The following EEIG2 variants were observed in gnomAD, a reference collection of about 807,000 sequenced individuals.
EEIG2 encodes the protein EEIG family member 2.
the EEIG2 span, among the ~76,000 whole-genome samples, chr1:108,570,434 A>G: frequency 6.6e-6 from 1 of 152,176 alleles, no homozygotes; most frequent in African/African-American, 2.4e-5. Context: ...GGTTTGGTTT[A>G]GGGTTGGAAT....
the EEIG2 span, among the ~76,000 whole-genome samples, chr1:108,572,423 T>TA: frequency 6.6e-6 from 1 of 151,940 alleles, no homozygotes; most frequent in South Asian, 2.1e-4. Context: ...GACACATCAT[T>TA]ATCACCCAAA....
At chr1:108,563,699 C>G in the EEIG2 span, among the ~76,000 whole-genome samples, 1 of 151,988 alleles carries the variant, frequency 6.6e-6, no homozygotes, top group African/African-American at 2.4e-5. Flanking sequence ...GAGCATTTAC[C>G]AGGTTTCTAT....
the EEIG2 span, among the ~76,000 whole-genome samples, chr1:108,613,333 A>G: frequency 6.6e-6 from 1 of 152,324 alleles, no homozygotes; most frequent in Admixed American, 6.5e-5. Context: ...CATTTTATAG[A>G]TGAAGAGCTG....
chr1:108,562,068 A>G, the EEIG2 span, among the ~76,000 whole-genome samples: 2 of 152,204 alleles, frequency 1.3e-5, no homozygotes, highest in African/African-American at 4.8e-5. Flanking sequence ...GCTTCTAAAT[A>G]TATTATCTTA....
At chr1:108,632,650 C>T in the EEIG2 span, among the ~76,000 whole-genome samples, 159 of 152,270 alleles carry the variant, frequency 1.0e-3, no homozygotes, top group Admixed American at 1.6e-3. Context: ...AATCACTTAA[C>T]TTCAATAGAA....
At chr1:108,576,869 C>G in the EEIG2 span, among the ~76,000 whole-genome samples, 2 of 152,114 alleles carry the variant, frequency 1.3e-5, no homozygotes, top group African/African-American at 2.4e-5. Flanking sequence ...GAAGAATCGC[C>G]ACACTGACTT....
the EEIG2 span, chr1:108,560,418 T>G: frequency 1.3e-6 from 2 of 1,572,364 alleles, no homozygotes; most frequent in Non-Finnish European, 8.6e-7. Flanking sequence ...TGCAGGCGCC[T>G]GGCTCTCACG....
the EEIG2 span, chr1:108,629,672 T>C: frequency 1.3e-6 from 2 of 1,587,266 alleles, no homozygotes; most frequent in African/African-American, 1.3e-5. Context: ...GTAGTACAAA[T>C]AGTGTCTTAT....
chr1:108,611,288 C>A, the EEIG2 span, among the ~76,000 whole-genome samples: 1 of 152,110 alleles, frequency 6.6e-6, no homozygotes, highest in East Asian at 1.9e-4. Flanking sequence ...CAACTCAATT[C>A]ATTTTTTGTT....
At chr1:108,585,533 C>CCACT in the EEIG2 span, among the ~76,000 whole-genome samples, 1 of 152,076 alleles carries the variant, frequency 6.6e-6, no homozygotes, top group African/African-American at 2.4e-5. Context: ...CAGGTCTGTG[C>CCACT]CACTCAAGGA....
At chr1:108,623,192 G>A in the EEIG2 span, among the ~76,000 whole-genome samples, 3 of 152,162 alleles carry the variant, frequency 2.0e-5, no homozygotes, top group African/African-American at 7.2e-5. Context: ...AACTGAAAGA[G>A]TCTGGGCACC....
At chr1:108,561,467 T>G in the EEIG2 span, among the ~76,000 whole-genome samples, 1 of 152,338 alleles carries the variant, frequency 6.6e-6, no homozygotes. Context: ...CCATATATAC[T>G]GGTCTTAGGC....
the EEIG2 span, chr1:108,600,663 A>G: frequency 2.5e-6 from 4 of 1,610,832 alleles, no homozygotes; most frequent in Non-Finnish European, 2.5e-6. Context: ...AGATCCTTGT[A>G]TCTACAGAGT....
the EEIG2 span, among the ~76,000 whole-genome samples, chr1:108,563,732 G>T: frequency 6.6e-6 from 1 of 152,298 alleles, no homozygotes; most frequent in South Asian, 2.1e-4. Flanking sequence ...ATCTGGGATT[G>T]TGAGAAGTAC....
At chr1:108,561,954 C>G in the EEIG2 span, among the ~76,000 whole-genome samples, 1 of 152,346 alleles carries the variant, frequency 6.6e-6, no homozygotes, top group East Asian at 1.9e-4. Flanking sequence ...GGGCACTTGT[C>G]TACGGGGCTT....
the EEIG2 span, among the ~76,000 whole-genome samples, chr1:108,582,237 GAATGT>G: frequency 6.6e-6 from 1 of 152,164 alleles, no homozygotes; most frequent in Non-Finnish European, 1.5e-5. Context: ...ACCAAAAAAT[GAATGT>G]GACTCACTTT....
chr1:108,592,891 C>T, the EEIG2 span, among the ~76,000 whole-genome samples: 1 of 152,142 alleles, frequency 6.6e-6, no homozygotes, highest in Non-Finnish European at 1.5e-5. Context: ...GGCATGGTGG[C>T]TCTCGCCTGT....
the EEIG2 span, among the ~76,000 whole-genome samples, chr1:108,574,360 G>A: frequency 6.6e-6 from 1 of 152,184 alleles, no homozygotes; most frequent in Non-Finnish European, 1.5e-5. Flanking sequence ...AGGGCCTGTG[G>A]TAGGGAAAAA....
the EEIG2 span, among the ~76,000 whole-genome samples, chr1:108,595,618 G>A: frequency 7.3e-6 from 1 of 136,686 alleles, no homozygotes; most frequent in African/African-American, 2.8e-5. Context: ...TACATGCCAA[G>A]GGAAGGAAGG....
Sources: allele counts gnomAD v4.1 joint callset (sites outside exome capture counted in the v4.1 genomes callset), GRCh38; gene constraint gnomAD v4.1.1; transcripts MANE v1.5; gene names NCBI Gene and HGNC (gene_info 2026-07-23, HGNC 2026-07-21).